DEFB112: variants seen among roughly 807,000 people sequenced by gnomAD.
DEFB112 encodes the protein defensin beta 112.
In DEFB112, 2 loss-of-function variants were observed where a neutral mutation model predicts 1.1. The observed-to-expected ratio is 1.85, with a 90% confidence interval of 0.76 to 5.83. The LOEUF (loss-of-function observed/expected upper bound fraction) is 5.83. Ranked by LOEUF, DEFB112 falls within the 30% of genes most tolerant of loss-of-function variation. The pLI, the probability that DEFB112 is intolerant of heterozygous loss-of-function variation, is 0.05. For synonymous variants in DEFB112, 40 were observed against 31.2 expected (o/e 1.28, Z -0.93); for missense variants, 120 against 94.4 (o/e 1.27, Z -1.12).
At chr6:50,049,259 A>G (rs1774888984) in intron 1 of DEFB112, among the ~76,000 whole-genome samples, 1 of 152,132 alleles carries the variant, frequency 6.6e-6, no homozygotes, top group Admixed American at 6.5e-5. Flanking sequence ...ATACTGAAAG[A>G]TATCTTGATA....
intron 1 of DEFB112, among the ~76,000 whole-genome samples, chr6:50,046,979 C>G (rs1370172984): frequency 6.6e-6 from 1 of 152,164 alleles, no homozygotes; most frequent in Non-Finnish European, 1.5e-5. Context: ...CAGGTCCTTC[C>G]CTGATGACTA....
Position 50,042,458 on chromosome 6 carries a change from T to C in DEFB112, c.*1117A>G, listed in dbSNP as rs769880322. ...AGTAGCCTCAACTTAAATACCTTGT[T>C]ACCACATAATTTTAAGTGACTAGCT... On this transcript the variant is annotated 3_prime_UTR_variant, in exon 2 of 2. Coordinates refer to ENST00000651554, the MANE Select transcript of DEFB112 (RefSeq NM_001369057.2). Among the ~76,000 whole-genome samples the C allele has an allele frequency of 2.6e-5, 4 of 152,062 alleles. No individual in the cohort carries two copies. The highest frequency in any genetic ancestry group is 4.4e-5 in the Non-Finnish European group (3 of 67,948).
chr6:50,048,690 G>A (rs1562000467), intron 1 of DEFB112: 2 of 1,451,530 alleles, frequency 1.4e-6, no homozygotes, highest in Non-Finnish European at 9.5e-7. Context: ...ACTGTAAAGT[G>A]AAAAAATTAC....
At position 50,049,841 on chromosome 6, in the gene DEFB112, A is replaced by C. The variant is rs1467643544; in HGVS notation, c.29T>G (p.Leu10Trp). Residue 10 changes from leucine (L) to tryptophan (W), a missense_variant, in exon 1 of 2, where the codon TTG becomes TGG. Coordinates refer to ENST00000651554, the MANE Select transcript of DEFB112 (RefSeq NM_001369057.2). ...TGGAATAAGGACTCCAAAGAAAAGC[A>C]AAATACAGAAAAAGAGAAGGATCTT... MKILLFFCILLFFGVLIPPA... is the reference protein window; with the variant it reads MKILLFFCIWLFFGVLIPPA... 6.6e-6 allele frequency among the ~76,000 whole-genome samples: 1 copy of C among 152,130 alleles called. No homozygotes were observed. The highest frequency in any genetic ancestry group is 1.5e-5 in the Non-Finnish European group (1 of 68,002).
chr6:50,047,631 A>G (rs1360687178), intron 1 of DEFB112, among the ~76,000 whole-genome samples: 1 of 152,162 alleles, frequency 6.6e-6, no homozygotes, highest in East Asian at 1.9e-4. Flanking sequence ...TCCCATTCCA[A>G]CATCATGCTG....
Position 50,042,647 on chromosome 6 carries a change from G to C in DEFB112, c.*928C>G, listed in dbSNP as rs1774763594. Among the ~76,000 whole-genome samples the C allele has an allele frequency of 6.6e-6, 1 of 151,778 alleles. No individual in the cohort carries two copies. The highest frequency in any genetic ancestry group is 1.9e-4 in the East Asian group (1 of 5,176). On this transcript the variant is annotated 3_prime_UTR_variant, in exon 2 of 2. Transcript: ENST00000651554. ...TTAGAGTTGATATTTCAAAATGTTTGAATAAGGGGAAAATCTTTAATCTAG... is the reference window on the plus strand; with the variant it reads ...TTAGAGTTGATATTTCAAAATGTTTCAATAAGGGGAAAATCTTTAATCTAG...
chr6:50,044,049 C>T (rs1433030347), intron 1 of DEFB112, among the ~76,000 whole-genome samples: 1 of 152,050 alleles, frequency 6.6e-6, no homozygotes, highest in African/African-American at 2.4e-5. Flanking sequence ...TTCTGAAGGG[C>T]TTGCAATGTA....
rs565037027 is a variant in DEFB112, at chr6:50,042,122, T to C, written c.*1453A>G. On this transcript the variant is annotated 3_prime_UTR_variant, in exon 2 of 2. Transcript: ENST00000651554. ...AATACAATTATAGCAGCTTTATTCA[T>C]AATTTTCATCTATCCTACCACAGAT... Among the ~76,000 whole-genome samples, 1 of 152,162 alleles carries C rather than the reference T, an allele frequency of 6.6e-6. No homozygotes were observed. The highest frequency in any genetic ancestry group is 1.5e-5 in the Non-Finnish European group (1 of 67,934).
intron 1 of DEFB112, among the ~76,000 whole-genome samples, chr6:50,047,749 G>A (rs1186469721): frequency 2.6e-5 from 4 of 152,066 alleles, no homozygotes; most frequent in Non-Finnish European, 2.9e-5. Flanking sequence ...TAATTAAACC[G>A]TGCTTTCAAA....
At chr6:50,045,003 G>A (rs1774809103) in intron 1 of DEFB112, among the ~76,000 whole-genome samples, 1 of 151,956 alleles carries the variant, frequency 6.6e-6, no homozygotes, top group Non-Finnish European at 1.5e-5. Context: ...CACTATCAGA[G>A]GATATTCCTT....
At chr6:50,045,582 T>A (rs1774818285) in intron 1 of DEFB112, among the ~76,000 whole-genome samples, 1 of 152,136 alleles carries the variant, frequency 6.6e-6, no homozygotes, top group Non-Finnish European at 1.5e-5. Context: ...TGTACATATG[T>A]GTATACAATC....
At chr6:50,047,221 C>T (rs1163543048) in intron 1 of DEFB112, among the ~76,000 whole-genome samples, 1 of 152,196 alleles carries the variant, frequency 6.6e-6, no homozygotes, top group African/African-American at 2.4e-5. Context: ...GGCCTAGAGC[C>T]AGAGGCTGTC....
At position 50,043,503 on chromosome 6, in the gene DEFB112, G is replaced by C; in HGVS notation, c.*72C>G. 2.7e-6 allele frequency: 3 copies of C among 1,126,842 alleles called. No homozygotes were observed. The highest frequency in any genetic ancestry group is 2.6e-6 in the Non-Finnish European group (2 of 759,614). The allele number at this position is 1,126,842 out of a possible 1,614,324, so 69.8% of individuals were successfully genotyped here. On this transcript the variant is annotated 3_prime_UTR_variant, in exon 2 of 2. Transcript: ENST00000651554. The stretch of plus-strand genomic sequence containing the variant: ...TAGGTATGCATGCATGGAAATTATA[G>C]GTCATTAATGAAGTGATGAAATAAT...
In DEFB112 at chr6:50,044,114, G is replaced by T. The variant is rs143649923; in HGVS notation, c.59-313C>A. Among the ~76,000 whole-genome samples, 5 of 152,150 alleles carry T rather than the reference G, an allele frequency of 3.3e-5. No homozygotes were observed. In the East Asian group the frequency reaches 9.7e-4, roughly 29 times the overall value. On this transcript the variant is annotated intron_variant, in intron 1 of 1. Coordinates refer to ENST00000651554, the MANE Select transcript of DEFB112 (RefSeq NM_001369057.2). ...GACTAGAACCATTGGATATGAGTGGGACGATCTCCATCCTCTCATTTATTA... is the reference window on the plus strand; with the variant it reads ...GACTAGAACCATTGGATATGAGTGGTACGATCTCCATCCTCTCATTTATTA...
chr6:50,042,109 G>A lies in DEFB112; in HGVS notation c.*1466C>T, dbSNP rs576200806. Among the ~76,000 whole-genome samples the A allele has an allele frequency of 2.4e-4, 37 of 151,972 alleles. 1 individual carries two copies. In the South Asian group the frequency reaches 7.7e-3, roughly 32 times the overall value. Reference sequence around the variant, plus strand: ...GAATGCACACATTAATACAATTATAGCAGCTTTATTCATAATTTTCATCTA... The same window carrying A: ...GAATGCACACATTAATACAATTATAACAGCTTTATTCATAATTTTCATCTA... On this transcript the variant is annotated 3_prime_UTR_variant, in exon 2 of 2. Coordinates refer to ENST00000651554, the MANE Select transcript of DEFB112 (RefSeq NM_001369057.2).
chr6:50,043,626 T>C lies in DEFB112; in HGVS notation c.234A>G (p.Pro78=). Residue 78 remains proline, a synonymous_variant, in exon 2 of 2, where the codon CCA becomes CCG. Coordinates refer to ENST00000651554, the MANE Select transcript of DEFB112 (RefSeq NM_001369057.2). ...CDPTDPNNWI[P]KDSVGTQEWY... ...ATTCTTGAGTCCCTACTGAGTCCTT[T>C]GGGATCCAATTATTTGGGTCCGTAG... The C allele has an allele frequency of 6.2e-7, 1 of 1,613,588 alleles. No individual in the cohort carries two copies. The highest frequency in any genetic ancestry group is 1.3e-5 in the African/African-American group (1 of 75,020).
At chr6:50,048,589 T>A in intron 1 of DEFB112, 1 of 1,613,746 alleles carries the variant, frequency 6.2e-7, no homozygotes, top group South Asian at 1.1e-5. Flanking sequence ...TTGTGGAAGA[T>A]GTATTTGTCT....
chr6:50,047,957 C>A lies in DEFB112; in HGVS notation c.58+1855G>T, dbSNP rs560193191. ...GGTCAGGAGTTCGCTACCAGCCTAG[C>A]CAACATGGTGAAACCCTGTCTCTAC... On this transcript the variant is annotated intron_variant, in intron 1 of 1. Coordinates refer to ENST00000651554, the MANE Select transcript of DEFB112 (RefSeq NM_001369057.2). 6.2e-4 allele frequency among the ~76,000 whole-genome samples: 95 copies of A among 152,126 alleles called. 1 individual carries two copies. Among genetic ancestry groups the A allele is most frequent in the African/African-American group, 2.1e-3 (89 of 41,494 alleles).
Position 50,042,405 on chromosome 6 carries a change from C to G in DEFB112, c.*1170G>C, listed in dbSNP as rs1774758922. On this transcript the variant is annotated 3_prime_UTR_variant, in exon 2 of 2. Coordinates refer to ENST00000651554, the MANE Select transcript of DEFB112 (RefSeq NM_001369057.2). ...CCAAAGCTGAAATGTGTATATGTCA[C>G]AGCAGCATAAGAAACCTACCAGGTA... 6.6e-6 allele frequency among the ~76,000 whole-genome samples: 1 copy of G among 152,002 alleles called. No homozygotes were observed. The highest frequency in any genetic ancestry group is 2.4e-5 in the African/African-American group (1 of 41,418).
Sources: gnomAD v4.1 joint callset for allele counts (sites outside exome capture counted in the v4.1 genomes callset) on GRCh38, gnomAD v4.1.1 for gene constraint, MANE v1.5 for transcripts, NCBI Gene and HGNC (gene_info 2026-07-23, HGNC 2026-07-21) for gene names.